Variants in NRXN3 observed in about 807,000 individuals in gnomAD.
The protein encoded by NRXN3 is neurexin III.
In NRXN3, 32 loss-of-function variants were observed where a neutral mutation model predicts 137.6. That is an observed-to-expected ratio of 0.23 (90% CI 0.18 to 0.31). The LOEUF is 0.31. Among genes scored for constraint, NRXN3 ranks in the 10% least tolerant of loss-of-function variants. The probability of loss-of-function intolerance (pLI) is 1.00; values close to 1 mark genes in which losing one functional copy is unlikely to be tolerated. For synonymous variants in NRXN3, 798 were observed against 784.5 expected (o/e 1.02, Z -0.29); for missense variants, 1,574 against 2,062.5 (o/e 0.76, Z 4.59).
At chr14:79,359,589 G>C (rs1183227704) in intron 15 of NRXN3, among the ~76,000 whole-genome samples, 17 of 76,336 alleles carry the variant, frequency 2.2e-4, no homozygotes, top group Admixed American at 7.1e-4. Flanking sequence ...TTTTTTTTTG[G>C]AGACAGAGTC....
At chr14:79,244,420 G>A (rs1409877537) in intron 15 of NRXN3, among the ~76,000 whole-genome samples, 2 of 152,030 alleles carry the variant, frequency 1.3e-5, no homozygotes, top group Admixed American at 1.3e-4. Context: ...ACAGCCTTAT[G>A]GAAATTCTGA....
intron 8 of NRXN3, among the ~76,000 whole-genome samples, chr14:78,771,798 T>G (rs2098729000): frequency 6.6e-6 from 1 of 152,240 alleles, no homozygotes; most frequent in Admixed American, 6.5e-5. Context: ...GAGACAGCTG[T>G]GCCCAGGCCT....
chr14:78,874,906 C>T (rs1369409800), intron 10 of NRXN3, among the ~76,000 whole-genome samples: 1 of 152,162 alleles, frequency 6.6e-6, no homozygotes, highest in Non-Finnish European at 1.5e-5. Context: ...TCTGTCCCAC[C>T]AGGGTGTCAA....
intron 20 of NRXN3, among the ~76,000 whole-genome samples, chr14:79,812,633 G>T (rs1448085925): frequency 3.3e-5 from 5 of 152,120 alleles, no homozygotes; most frequent in East Asian, 3.8e-4. Context: ...TGAAGAATTA[G>T]TACAGTTCAG....
Position 79,276,364 on chromosome 14 carries a change from G to T in NRXN3, c.3263-190857G>T, listed in dbSNP as rs113035508. 3.9e-3 allele frequency among the ~76,000 whole-genome samples: 592 copies of T among 152,182 alleles called. 4 individuals are homozygous for T. The highest frequency in any genetic ancestry group is 0.014 in the African/African-American group (572 of 41,510). ...GACATTCATTTTATTAGGATAATTG[G>T]GGGTTGTCTCTTTGTAGTGGAAGAA... On this transcript the variant is annotated intron_variant, in intron 15 of 20. Coordinates refer to ENST00000335750, the MANE Select transcript of NRXN3 (RefSeq NM_001330195.2).
intron 8 of NRXN3, among the ~76,000 whole-genome samples, chr14:78,779,867 G>A (rs1454134646): frequency 6.6e-6 from 1 of 152,146 alleles, no homozygotes; most frequent in African/African-American, 2.4e-5. Context: ...TCAATAACAT[G>A]AAGATGCCAA....
At chr14:78,897,323 A>G (rs1428026601) in intron 10 of NRXN3, among the ~76,000 whole-genome samples, 1 of 151,938 alleles carries the variant, frequency 6.6e-6, no homozygotes, top group Non-Finnish European at 1.5e-5. Flanking sequence ...CTGTTAAGAC[A>G]TCACAGTAAC....
At chr14:79,245,240 T>A (rs1269394840) in intron 15 of NRXN3, among the ~76,000 whole-genome samples, 1 of 152,186 alleles carries the variant, frequency 6.6e-6, no homozygotes. Context: ...CCTTCCTTGA[T>A]GTGGCCAAGT....
At chr14:79,842,178 T>C (rs916839351) in intron 20 of NRXN3, among the ~76,000 whole-genome samples, 15 of 152,176 alleles carry the variant, frequency 9.9e-5, no homozygotes, top group African/African-American at 3.6e-4. Flanking sequence ...ACAAAGTCTC[T>C]GCTCTCTTGG....
chr14:78,426,117 G>A (rs550801140), intron 4 of NRXN3, among the ~76,000 whole-genome samples: 2 of 152,314 alleles, frequency 1.3e-5, no homozygotes, highest in South Asian at 4.1e-4. Flanking sequence ...TTCCCAGAGA[G>A]CTCATTGACT....
chr14:78,652,778 T>A (rs1276722746), intron 6 of NRXN3, among the ~76,000 whole-genome samples: 1 of 152,262 alleles, frequency 6.6e-6, no homozygotes, highest in African/African-American at 2.4e-5. Context: ...TGTCTATTTA[T>A]CTGATAATCA....
intron 4 of NRXN3, among the ~76,000 whole-genome samples, chr14:78,499,681 T>G (rs1261899410): frequency 6.6e-6 from 1 of 152,202 alleles, no homozygotes; most frequent in Non-Finnish European, 1.5e-5. Flanking sequence ...GGCTGAGTTC[T>G]CATCTGAAAG....
intron 15 of NRXN3, among the ~76,000 whole-genome samples, chr14:79,100,821 T>A (rs2051147140): frequency 6.6e-6 from 1 of 152,196 alleles, no homozygotes; most frequent in African/African-American, 2.4e-5. Flanking sequence ...AGTTGCTGTA[T>A]TAAGTCATGT....
chr14:79,523,588 G>A (rs755935654), intron 16 of NRXN3, among the ~76,000 whole-genome samples: 1 of 152,134 alleles, frequency 6.6e-6, no homozygotes, highest in Non-Finnish European at 1.5e-5. Flanking sequence ...TTCTGCACAT[G>A]CAAAGCCCTG....
At chr14:79,590,082 C>T (rs368709165) in intron 16 of NRXN3, among the ~76,000 whole-genome samples, 23 of 151,978 alleles carry the variant, frequency 1.5e-4, no homozygotes, top group African/African-American at 4.8e-4. Context: ...CTTTGTACAA[C>T]GAGGGCCAGT....
chr14:79,172,457 G>A (rs767748611), intron 15 of NRXN3, among the ~76,000 whole-genome samples: 5 of 152,128 alleles, frequency 3.3e-5, no homozygotes, highest in Non-Finnish European at 4.4e-5. Context: ...AAGGTACGAA[G>A]GAGGGTGAAA....
intron 4 of NRXN3, among the ~76,000 whole-genome samples, chr14:78,496,692 C>A (rs577006418): frequency 6.6e-6 from 1 of 151,834 alleles, no homozygotes; most frequent in African/African-American, 2.4e-5. Flanking sequence ...TAGGAGAATA[C>A]CAAGCTGAGC....
At chr14:78,974,511 A>G (rs908159587) in intron 14 of NRXN3, among the ~76,000 whole-genome samples, 83 of 152,336 alleles carry the variant, frequency 5.4e-4, no homozygotes, top group African/African-American at 1.9e-3. Flanking sequence ...TAAATTGTTT[A>G]CCAAAGCGTA....
Position 79,697,907 on chromosome 14 carries a change from C to A in NRXN3, c.3984C>A (p.Thr1328=). The change falls in exon 19 of 21, where the codon ACC becomes ACA. Residue 1328 remains threonine (T), a synonymous_variant. Transcript: ENST00000335750. ...CTACTACAATGGCGACTACCACAAC[C>A]CGTAAGAATCGCTCTACAGCCAGCA... The part of the protein sequence containing the change: ...ETTTTMATTT[T]RKNRSTASIQ... 3.1e-6 allele frequency: 5 copies of A among 1,612,442 alleles called. No homozygotes were observed. Among genetic ancestry groups the A allele is most frequent in the Non-Finnish European group, 4.2e-6 (5 of 1,178,764 alleles).
Sources: gnomAD v4.1 joint callset for allele counts (sites outside exome capture counted in the v4.1 genomes callset) on GRCh38, gnomAD v4.1.1 for gene constraint, MANE v1.5 for transcripts, NCBI Gene and HGNC (gene_info 2026-07-23, HGNC 2026-07-21) for gene names.